The following PLA2G4A variants were observed in gnomAD, a reference collection of about 807,000 sequenced individuals.
PLA2G4A encodes the protein phospholipase A2 group IVA, also known as cytosolic phospholipase A2.
In PLA2G4A, 40 loss-of-function variants were observed where a neutral mutation model predicts 81.9. That is an observed-to-expected ratio of 0.49 (90% CI 0.38 to 0.64). PLA2G4A has a LOEUF of 0.64. Ranked by LOEUF, PLA2G4A falls within the 30% of genes least tolerant of loss-of-function variation. The pLI is 0.00. For missense variants in PLA2G4A, 715 were observed against 905.1 expected (o/e 0.79, Z 2.69); for synonymous variants, 302 against 296.9 (o/e 1.02, Z -0.18).
At chr1:186,969,784 T>G (rs1432537251) in intron 15 of PLA2G4A, among the ~76,000 whole-genome samples, 1 of 151,942 alleles carries the variant, frequency 6.6e-6, no homozygotes, top group Non-Finnish European at 1.5e-5. Flanking sequence ...TGTGTAGGTA[T>G]CACATTTTCT....
At chr1:186,955,836 C>A (rs1656728202) in intron 13 of PLA2G4A, among the ~76,000 whole-genome samples, 1 of 146,648 alleles carries the variant, frequency 6.8e-6, no homozygotes, top group Admixed American at 7.0e-5. Flanking sequence ...CGGGTTCAAG[C>A]GATTCTCCTG....
At chr1:186,981,274 T>C (rs1010716317) in intron 17 of PLA2G4A, among the ~76,000 whole-genome samples, 7 of 152,148 alleles carry the variant, frequency 4.6e-5, no homozygotes, top group Non-Finnish European at 1.5e-5. Context: ...GACTTGGGAG[T>C]AGATATACAT....
intron 5 of PLA2G4A, among the ~76,000 whole-genome samples, chr1:186,895,816 T>C (rs930426345): frequency 3.9e-5 from 6 of 152,202 alleles, no homozygotes; most frequent in African/African-American, 1.4e-4. Flanking sequence ...ACAGGCTGTT[T>C]GGTGTTTAAA....
At position 186,979,420 on chromosome 1, in the gene PLA2G4A, C is replaced by A; in HGVS notation, c.2066C>A (p.Ala689Glu). ...STFNFQYPNQ[A>E]FKRLHDLMHF... is the part of the protein sequence containing the mutation. ...TTCAATTTTCAATATCCAAATCAAG[C>A]ATTCAAAAGACTACATGATCTTATG... is the stretch of plus-strand genomic sequence containing the variant. The change falls in exon 17 of 18, where the codon GCA becomes GAA. Residue 689 changes from alanine to glutamate, a missense_variant. Coordinates refer to ENST00000367466, the MANE Select transcript of PLA2G4A (RefSeq NM_024420.3). 1 of 1,599,954 alleles carries A rather than the reference C, an allele frequency of 6.3e-7. No individual in the cohort carries two copies. The highest frequency in any genetic ancestry group is 8.6e-7 in the Non-Finnish European group (1 of 1,167,116).
chr1:186,865,814 A>C (rs1470915035), intron 2 of PLA2G4A, among the ~76,000 whole-genome samples: 1 of 152,206 alleles, frequency 6.6e-6, no homozygotes, highest in Non-Finnish European at 1.5e-5. Flanking sequence ...AGTTACATAT[A>C]TCAATATACT....
In PLA2G4A at chr1:186,893,274, G is replaced by C. The variant is rs904020506; in HGVS notation, c.264+115G>C. ...GTTAGCTATAGTTGGAGTTAGACTG[G>C]GCAGCTTGGTAGACTAGAATCTAAA... is the stretch of plus-strand genomic sequence containing the variant. On this transcript the variant is annotated intron_variant, in intron 4 of 17. Transcript: ENST00000367466. 6 of 880,454 alleles carry C rather than the reference G, an allele frequency of 6.8e-6. No homozygotes were observed. In the African/African-American group the frequency reaches 8.2e-5, roughly 12 times the overall value. 54.5% of individuals were successfully genotyped at this position (880,454 alleles called of 1,614,324 possible). A position where few individuals can be genotyped will look rare whatever the true frequency, so the allele number is the denominator to read the frequency against.
Position 186,842,588 on chromosome 1 carries a change from G to A in PLA2G4A, c.-69-11698G>A, listed in dbSNP as rs76738754. On this transcript the variant is annotated intron_variant, in intron 1 of 17. Transcript: ENST00000367466. The stretch of plus-strand genomic sequence containing the variant: ...TCATTAAATTGAAAGGAGGCTGGTA[G>A]GGCATGTCCTAATCCAATTTGACTA... 1.4e-3 allele frequency among the ~76,000 whole-genome samples: 214 copies of A among 152,312 alleles called. 2 individuals are homozygous for A. The highest frequency in any genetic ancestry group is 5.0e-3 in the African/African-American group (207 of 41,562).
In PLA2G4A at chr1:186,988,597, C is replaced by T. The variant is rs777035820; in HGVS notation, c.*89C>T. The T allele has an allele frequency of 2.0e-4, 231 of 1,129,164 alleles. No homozygotes were observed. Among genetic ancestry groups the T allele is most frequent in the Non-Finnish European group, 2.8e-4 (213 of 748,780 alleles). The allele number at this position is 1,129,164 out of a possible 1,614,324, so 69.9% of individuals were successfully genotyped here. A position where few individuals can be genotyped will look rare whatever the true frequency, so the allele number is the denominator to read the frequency against. On this transcript the variant is annotated 3_prime_UTR_variant, in exon 18 of 18. Coordinates refer to ENST00000367466, the MANE Select transcript of PLA2G4A (RefSeq NM_024420.3). ...GATTTAAAAGTACAGTACAGATAGTCGTACTGATCATGAGAGACTGGCTGA... is the reference window on the plus strand; with the variant it reads ...GATTTAAAAGTACAGTACAGATAGTTGTACTGATCATGAGAGACTGGCTGA...
chr1:186,983,083 CAAAA>C (rs542890862), intron 17 of PLA2G4A, among the ~76,000 whole-genome samples: 1 of 99,032 alleles, frequency 1.0e-5, no homozygotes. Flanking sequence ...GAGTCTGTCT[CAAAA>C]AAAAAAAAAA....
chr1:186,909,409 C>T (rs1654860360), intron 6 of PLA2G4A, among the ~76,000 whole-genome samples: 2 of 151,084 alleles, frequency 1.3e-5, no homozygotes, highest in Non-Finnish European at 3.0e-5. Context: ...GCCTGTAATC[C>T]CAGCACTTTG....
chr1:186,979,943 C>CTTTTTTTTTT (rs34029312), intron 17 of PLA2G4A, among the ~76,000 whole-genome samples: 6 of 98,794 alleles, frequency 6.1e-5, no homozygotes, highest in Non-Finnish European at 5.9e-5. Flanking sequence ...ACAGCATTTC[C>CTTTTTTTTTT]TTTTTTTTTT....
At chr1:186,891,321 T>C (rs1198442011) in intron 3 of PLA2G4A, among the ~76,000 whole-genome samples, 1 of 152,220 alleles carries the variant, frequency 6.6e-6, no homozygotes, top group Non-Finnish European at 1.5e-5. Context: ...TACACTCTTT[T>C]AGTTACTTTT....
rs1464562243 is a variant in PLA2G4A, at chr1:186,911,392, G to A, written c.558+3G>A. On this transcript the variant is annotated splice_donor_region_variant and intron_variant, in intron 7 of 17. Transcript: ENST00000367466. ...AAGGATTGCATTCTGCACGTGATGT[G>A]AGTTGGAAATTTTTCAAGTGTTACT... 6.2e-7 allele frequency: 1 copy of A among 1,605,966 alleles called. No individual in the cohort carries two copies. The highest frequency in any genetic ancestry group is 1.3e-5 in the African/African-American group (1 of 74,774).
intron 3 of PLA2G4A, among the ~76,000 whole-genome samples, chr1:186,878,019 A>G (rs990157506): frequency 2.7e-5 from 4 of 149,384 alleles, no homozygotes; most frequent in Non-Finnish European, 4.4e-5. Flanking sequence ...TTAATTATGG[A>G]GTTTCAAATC....
intron 15 of PLA2G4A, among the ~76,000 whole-genome samples, chr1:186,974,362 G>A (rs547265897): frequency 1.1e-3 from 167 of 152,136 alleles, no homozygotes; most frequent in Non-Finnish European, 2.1e-3. Context: ...AGGTGTGGTG[G>A]CACACACCTG....
intron 3 of PLA2G4A, among the ~76,000 whole-genome samples, chr1:186,890,586 T>TG (rs1342676203): frequency 1.3e-5 from 2 of 152,222 alleles, no homozygotes; most frequent in African/African-American, 4.8e-5. Flanking sequence ...CCGGGCATGG[T>TG]GGCTCATGCC....
chr1:186,897,385 T>C (rs978079012), intron 5 of PLA2G4A, among the ~76,000 whole-genome samples: 2 of 152,206 alleles, frequency 1.3e-5, no homozygotes, highest in Non-Finnish European at 2.9e-5. Context: ...CCTTTCTTTC[T>C]GAGTCTTATT....
intron 2 of PLA2G4A, among the ~76,000 whole-genome samples, chr1:186,857,160 A>ATG (rs1307699127): frequency 0.64 from 23,685 of 36,754 alleles, 7,204 homozygotes; most frequent in South Asian, 0.67. Flanking sequence ...ATTACATAAT[A>ATG]TAATATAATT....
chr1:186,954,575 AT>A (rs1337629140), intron 13 of PLA2G4A, among the ~76,000 whole-genome samples: 6 of 152,056 alleles, frequency 3.9e-5, no homozygotes, highest in Non-Finnish European at 8.8e-5. Context: ...GTACCCTATA[AT>A]TTTAAGTGTA....
Sources: gnomAD v4.1 joint callset for allele counts (sites outside exome capture counted in the v4.1 genomes callset) on GRCh38, gnomAD v4.1.1 for gene constraint, MANE v1.5 for transcripts, NCBI Gene and HGNC (gene_info 2026-07-23, HGNC 2026-07-21) for gene names.